The following NXPE2 variants were observed in gnomAD, a reference collection of about 807,000 sequenced individuals.
NXPE2 encodes the protein neurexophilin and PC-esterase domain family member 2, also known as NXPE family member 2.
In NXPE2, 34 loss-of-function variants were observed where a neutral mutation model predicts 34.4. The observed-to-expected ratio is 0.99, with a 90% CI of 0.75 to 1.31. The LOEUF (loss-of-function observed/expected upper bound fraction) is 1.31, where lower values mean the gene tolerates loss of function less well. NXPE2 is among the 40% of genes most tolerant of loss of function. NXPE2 has a pLI of 0.00. For synonymous variants in NXPE2, 235 were observed against 231.3 expected, an observed-to-expected ratio of 1.02 and a Z score of -0.15; for missense variants, 649 against 672.5, an observed-to-expected ratio of 0.97 and a Z score of 0.39.
chr11:114,777,854 G>C, the NXPE2 span, among the ~76,000 whole-genome samples: 3 of 152,148 alleles, frequency 2.0e-5, no homozygotes, highest in African/African-American at 7.2e-5. Flanking sequence ...TCATTGGCTT[G>C]CTATGTGATT....
upstream of NXPE2, among the ~76,000 whole-genome samples, chr11:114,674,118 C>A (rs1288565079): frequency 1.0e-5 from 1 of 100,312 alleles, no homozygotes; most frequent in Non-Finnish European, 2.2e-5. Context: ...AACAAACAAA[C>A]AAACAAACAA....
the NXPE2 span, among the ~76,000 whole-genome samples, chr11:114,649,543 G>T: frequency 2.6e-5 from 4 of 152,198 alleles, no homozygotes; most frequent in Admixed American, 6.5e-5. Flanking sequence ...AAGCTATAGA[G>T]ACAGAAAGCC....
the NXPE2 span, among the ~76,000 whole-genome samples, chr11:114,734,052 TA>T: frequency 1.3e-5 from 2 of 152,216 alleles, no homozygotes; most frequent in African/African-American, 4.8e-5. Flanking sequence ...CTTCAACTCT[TA>T]AAAAAGTGTT....
the NXPE2 span, among the ~76,000 whole-genome samples, chr11:114,620,762 A>G: frequency 0.67 from 101,898 of 151,838 alleles, 34,460 homozygotes; most frequent in African/African-American, 0.75. Flanking sequence ...GTATTGCCTC[A>G]TGTCTAACCA....
the NXPE2 span, among the ~76,000 whole-genome samples, chr11:114,663,350 G>T: frequency 6.6e-6 from 1 of 152,148 alleles, no homozygotes; most frequent in African/African-American, 2.4e-5. Flanking sequence ...CCAATGTCTG[G>T]ATTGGTGGGC....
the NXPE2 span, among the ~76,000 whole-genome samples, chr11:114,592,109 GA>G: frequency 6.6e-6 from 1 of 152,096 alleles, no homozygotes; most frequent in Admixed American, 6.6e-5. Flanking sequence ...CTGAGATCTG[GA>G]ACAAGATATT....
the NXPE2 span, among the ~76,000 whole-genome samples, chr11:114,490,826 G>T: frequency 1.3e-5 from 2 of 152,210 alleles, no homozygotes; most frequent in Admixed American, 1.3e-4. Context: ...CAAAAGCAAT[G>T]GCAACAAAAG....
chr11:114,781,618 C>T, the NXPE2 span, among the ~76,000 whole-genome samples: 1 of 151,954 alleles, frequency 6.6e-6, no homozygotes. Flanking sequence ...GGGCACAGTG[C>T]ATTGGGGAGG....
upstream of NXPE2, among the ~76,000 whole-genome samples, chr11:114,675,111 A>G (rs1950843029): frequency 6.6e-6 from 1 of 151,720 alleles, no homozygotes; most frequent in Admixed American, 6.6e-5. Flanking sequence ...TTTTCATGAG[A>G]AAAAAACTCT....
At chr11:114,586,521 C>T in the NXPE2 span, among the ~76,000 whole-genome samples, 2 of 152,196 alleles carry the variant, frequency 1.3e-5, no homozygotes, top group Admixed American at 6.5e-5. Context: ...ACTCAGGGGA[C>T]AGGCTTGCCA....
chr11:114,577,733 C>A, the NXPE2 span, among the ~76,000 whole-genome samples: 1 of 152,038 alleles, frequency 6.6e-6, no homozygotes, highest in Non-Finnish European at 1.5e-5. Flanking sequence ...GTAGACTAAG[C>A]TCATTTGAGG....
At chr11:114,580,163 C>T in the NXPE2 span, 1 of 1,614,094 alleles carries the variant, frequency 6.2e-7, no homozygotes, top group African/African-American at 1.3e-5. Flanking sequence ...ATTCCATCCA[C>T]TGGCGGATCG....
At chr11:114,590,744 C>G in the NXPE2 span, among the ~76,000 whole-genome samples, 1 of 152,166 alleles carries the variant, frequency 6.6e-6, no homozygotes, top group Non-Finnish European at 1.5e-5. Flanking sequence ...AAAGGATGGC[C>G]AGCATGCCTC....
the NXPE2 span, among the ~76,000 whole-genome samples, chr11:114,539,484 T>C: frequency 6.6e-6 from 1 of 152,196 alleles, no homozygotes; most frequent in Non-Finnish European, 1.5e-5. Flanking sequence ...TGGAGGTATT[T>C]TGAAAACTCT....
chr11:114,530,203 T>C, the NXPE2 span: 8 of 1,610,574 alleles, frequency 5.0e-6, no homozygotes, highest in Non-Finnish European at 6.8e-6. Flanking sequence ...TCCTTGTCTG[T>C]AAGATAAGAT....
the NXPE2 span, among the ~76,000 whole-genome samples, chr11:114,536,776 T>G: frequency 1.1e-4 from 16 of 152,132 alleles, no homozygotes; most frequent in Non-Finnish European, 2.1e-4. Flanking sequence ...GCTCTGAAAT[T>G]GAGGCAATAA....
chr11:114,760,665 A>G, the NXPE2 span, among the ~76,000 whole-genome samples: 1 of 152,190 alleles, frequency 6.6e-6, no homozygotes, highest in Non-Finnish European at 1.5e-5. Flanking sequence ...GATTCTTGGC[A>G]CCAGCACCTT....
the NXPE2 span, among the ~76,000 whole-genome samples, chr11:114,634,076 C>T: frequency 6.6e-6 from 1 of 151,626 alleles, no homozygotes; most frequent in African/African-American, 2.4e-5. Flanking sequence ...TACAGTTCCA[C>T]CAACAGTGTA....
chr11:114,631,031 C>T, the NXPE2 span, among the ~76,000 whole-genome samples: 1 of 151,476 alleles, frequency 6.6e-6, no homozygotes, highest in African/African-American at 2.4e-5. Context: ...ACAACAGGTG[C>T]TGGAGAGGAT....
Sources: allele counts gnomAD v4.1 joint callset (sites outside exome capture counted in the v4.1 genomes callset), GRCh38; gene constraint gnomAD v4.1.1; transcripts MANE v1.5; gene names NCBI Gene and HGNC (gene_info 2026-07-23, HGNC 2026-07-21).